NEB: variants seen among roughly 807,000 people sequenced by gnomAD.
The protein encoded by NEB is nebulin.
A neutral mutation model predicts 952.2 loss-of-function variants in NEB; 512 were observed. That is an observed-to-expected ratio of 0.54 (90% confidence interval 0.50 to 0.58). NEB has a LOEUF of 0.58. Among genes scored for constraint, NEB ranks in the 20% least tolerant of loss-of-function variants. The probability of loss-of-function intolerance (pLI) is 0.00; values close to 1 mark genes in which losing one functional copy is unlikely to be tolerated. For synonymous variants in NEB, 2,900 were observed against 3,149.8 expected, an observed-to-expected ratio of 0.92 and a Z score of 2.66; for missense variants, 8,428 against 9,231.1, an observed-to-expected ratio of 0.91 and a Z score of 3.56.
chr2:151,486,081 C>G (rs2050087865), intron 181 of NEB, 148 bp from the exon 182 acceptor site: 1 of 776,718 alleles, frequency 1.3e-6, no homozygotes, highest in African/African-American at 1.7e-5. Context: ...TAAAAGGAAC[C>G]CACAAAATAG....
chr2:151,687,963 CT>C, intron 25 of NEB, among the ~76,000 whole-genome samples: 1 of 152,320 alleles, frequency 6.6e-6, no homozygotes, highest in Admixed American at 6.5e-5. Flanking sequence ...TCTAAGCACT[CT>C]GCTGTCCTGA....
intron 168 of NEB, among the ~76,000 whole-genome samples, chr2:151,500,773 A>G (rs1470636469): frequency 2.6e-5 from 4 of 151,598 alleles, no homozygotes; most frequent in African/African-American, 4.8e-5. Flanking sequence ...AATTTTTTCT[A>G]TTTTTAGCAG....
chr2:151,512,929 T>C lies in NEB; in HGVS notation c.23242-92A>G, dbSNP rs1389605116. 5 of 812,764 alleles carry C rather than the reference T, an allele frequency of 6.2e-6. No homozygotes were observed. In the African/African-American group the frequency reaches 8.6e-5, roughly 14 times the overall value. The allele number at this position is 812,764 out of a possible 1,614,324, so 50.3% of individuals were successfully genotyped here. Reference sequence around the variant, plus strand: ...GATTAAGAGGTGAGCCATATTTCTTTTCCAAGAGGGACTCATTCATTTGAC... The same window carrying C: ...GATTAAGAGGTGAGCCATATTTCTTCTCCAAGAGGGACTCATTCATTTGAC... On this transcript the variant is annotated intron_variant, in intron 160 of 181. Transcript: ENST00000397345.
chr2:151,570,613 A>G lies in NEB; in HGVS notation c.17014-12T>C. 1 of 1,571,156 alleles carries G rather than the reference A, an allele frequency of 6.4e-7. No individual in the cohort carries two copies. Among genetic ancestry groups the G allele is most frequent in the Non-Finnish European group, 8.6e-7 (1 of 1,157,434 alleles). Reference sequence around the variant, plus strand: ...TCACGGTAAAGTTTCTGAAAAGGAGAAAAATAAGGTATCATCCTAGATTCA... The same window carrying G: ...TCACGGTAAAGTTTCTGAAAAGGAGGAAAATAAGGTATCATCCTAGATTCA... On this transcript the variant is annotated splice_polypyrimidine_tract_variant and intron_variant, in intron 107 of 181. Coordinates refer to ENST00000397345, the MANE Select transcript of NEB (RefSeq NM_001164508.2).
At chr2:151,690,990 T>A (rs901769827) in intron 23 of NEB, among the ~76,000 whole-genome samples, 165 bp from the exon 24 acceptor site, 2 of 152,112 alleles carry the variant, frequency 1.3e-5, no homozygotes, top group African/African-American at 4.8e-5. Flanking sequence ...TCTCTCTCTC[T>A]TTTTCCTTTA....
chr2:151,568,580 T>C lies in NEB; in HGVS notation c.17634+38A>G, dbSNP rs1339307766. ...ATGGAAAAGCTTTGGAAGTGATATC[T>C]GCATCACTGTGAGATTTTAAAACAG... On this transcript the variant is annotated intron_variant, in intron 111 of 181. Transcript: ENST00000397345. The C allele has an allele frequency of 2.0e-6, 3 of 1,503,258 alleles. No individual in the cohort carries two copies. The Admixed American group carries it at 5.5e-5, about 27-fold the overall frequency. 93.1% of individuals were successfully genotyped at this position (1,503,258 alleles called of 1,614,324 possible). A position where few individuals can be genotyped will look rare whatever the true frequency, so the allele number is the denominator to read the frequency against.
At chr2:151,654,813 A>G (rs2099070569) in intron 51 of NEB, among the ~76,000 whole-genome samples, 1 of 152,234 alleles carries the variant, frequency 6.6e-6, no homozygotes, top group South Asian at 2.1e-4. Context: ...GGCAAAGCCA[A>G]AACTCATACC....
At chr2:151,573,427 C>T (rs11900107) in intron 107 of NEB, among the ~76,000 whole-genome samples, 62 of 152,112 alleles carry the variant, frequency 4.1e-4, no homozygotes, top group African/African-American at 1.5e-3. Flanking sequence ...TGGGAAGAGG[C>T]GTCTATACTG....
At chr2:151,722,009 G>A (rs6752115) in intron 9 of NEB, among the ~76,000 whole-genome samples, 278 of 152,276 alleles carry the variant, frequency 1.8e-3, no homozygotes, top group African/African-American at 6.2e-3. Flanking sequence ...AGAGGGTGGC[G>A]TTAAAAATTA....
In NEB at chr2:151,493,376, G is replaced by C. The variant is rs748561855; in HGVS notation, c.24742C>G (p.Arg8248Gly). Residue 8248 changes from arginine (R) to glycine (G), a missense_variant, in exon 176 of 182, where the codon CGC becomes GGC. Arg to Gly is a moderately radical substitution (Grantham distance 125). Around this residue, in one of 11 missense-constraint regions of NEB, gnomAD observed 3,374 missense variants for 3,651.5 expected, o/e 0.92. Coordinates refer to ENST00000397345, the MANE Select transcript of NEB (RefSeq NM_001164508.2). Reference protein sequence around the residue: ...PVTPEMERAKRNQENISSVLY... With the variant: ...PVTPEMERAKGNQENISSVLY... Reference sequence around the variant, plus strand: ...ACCGAGCTAATGTTTTCTTGGTTGCGCTTAGCTCTCTCCATCTCTGGAGTA... The same window carrying C: ...ACCGAGCTAATGTTTTCTTGGTTGCCCTTAGCTCTCTCCATCTCTGGAGTA... 6.2e-7 allele frequency: 1 copy of C among 1,611,980 alleles called. No homozygotes were observed.
At chr2:151,695,478 T>C (rs1396170461) in intron 18 of NEB, 100 bp downstream of exon 18, 2 of 835,010 alleles carry the variant, frequency 2.4e-6, no homozygotes, top group Non-Finnish European at 3.9e-6. Context: ...GTTCTTCTCA[T>C]TTTTAACATT....
At chr2:151,630,968 A>T in intron 66 of NEB, 149 bp from the exon 67 acceptor site, 1 of 1,172,998 alleles carries the variant, frequency 8.5e-7, no homozygotes, top group Middle Eastern at 2.2e-4. Flanking sequence ...TCTTATTACT[A>T]GTTATCAAGA....
In NEB at chr2:151,553,459, C is replaced by A. The variant is rs1440295249; in HGVS notation, c.19670G>T (p.Cys6557Phe). The A allele has an allele frequency of 6.2e-7, 1 of 1,613,606 alleles. No homozygotes were observed. Among genetic ancestry groups the A allele is most frequent in the Admixed American group, 1.7e-5 (1 of 59,996 alleles). The change falls in exon 127 of 182, where the codon TGC becomes TTC. Residue 6557 changes from cysteine to phenylalanine, a missense_variant. By Grantham distance (205) the Cys-to-Phe change is radical. This residue lies in a region of NEB where 3,374 missense variants were observed against 3,651.5 expected (regional missense o/e 0.92). Transcript: ENST00000397345. ...DDLNWLKGIG[C>F]YVWDTPEILH... ...GATTTCAGGAGTGTCCCAGACGTAGCAACCAATGCCTTTCAGCCAGTTGAG... is the reference window on the plus strand; with the variant it reads ...GATTTCAGGAGTGTCCCAGACGTAGAAACCAATGCCTTTCAGCCAGTTGAG...
At chr2:151,715,422 C>G (rs144400536) in intron 10 of NEB, among the ~76,000 whole-genome samples, 1 of 152,316 alleles carries the variant, frequency 6.6e-6, no homozygotes, top group African/African-American at 2.4e-5. Flanking sequence ...TCCCCACCCC[C>G]CAAATTCATA....
In NEB at chr2:151,656,241, T is replaced by A. The variant is rs759026379; in HGVS notation, c.6407A>T (p.Asn2136Ile). The A allele has an allele frequency of 1.9e-6, 3 of 1,613,530 alleles. No homozygotes were observed. Among genetic ancestry groups the A allele is most frequent in the East Asian group, 2.2e-5 (1 of 44,866 alleles). ...KDAQANITNT[N>I]YKHLIHKYIL... ...GTACTTGTGAATCAGGTGCTTGTAG[T>A]TAGTGTTGGTGATGTTGGCTTGGGC... The change falls in exon 49 of 182, where the codon AAC becomes ATC. Residue 2136 changes from asparagine (N) to isoleucine (I), a missense_variant. Physicochemically the swap from Asn to Ile is moderately radical, Grantham distance 149 (BLOSUM62 -3). This residue lies in a region of NEB where 2,851 missense variants were observed against 2,791.5 expected (regional missense o/e 1.02). Coordinates refer to ENST00000397345, the MANE Select transcript of NEB (RefSeq NM_001164508.2).
At chr2:151,623,763 G>A (rs959246946) in intron 71 of NEB, among the ~76,000 whole-genome samples, 5 of 152,056 alleles carry the variant, frequency 3.3e-5, no homozygotes, top group Non-Finnish European at 7.4e-5. Flanking sequence ...TTTTGAAACT[G>A]GAAGGTCAAA....
intron 156 of NEB, 47 bp from the exon 157 acceptor site, chr2:151,516,610 T>TAGAC: frequency 8.1e-7 from 1 of 1,227,266 alleles, no homozygotes; most frequent in Non-Finnish European, 1.2e-6. Context: ...GGTCAATTCC[T>TAGAC]AGACAGCAGT....
rs1361349634 is a variant in NEB at position 151,553,879 on chromosome 2, G to A, written c.19575C>T (p.Pro6525=). The change falls in exon 126 of 182, where the codon CCC becomes CCT. Residue 6525 remains proline (P), a synonymous_variant. Transcript: ENST00000397345. ...RLRLHEWICH[P]DLQVNDHVRK... is the part of the protein sequence containing the mutation. Reference sequence around the variant, plus strand: ...TGACGTGATCATTGACTTGCAAGTCGGGGTGGCAAATCCATTCGTGGAGGC... The same window carrying A: ...TGACGTGATCATTGACTTGCAAGTCAGGGTGGCAAATCCATTCGTGGAGGC... 31 of 1,613,654 alleles carry A rather than the reference G, an allele frequency of 1.9e-5. No homozygotes were observed. The highest frequency in any genetic ancestry group is 2.3e-5 in the Non-Finnish European group (27 of 1,179,750).
rs1320817315 is a variant in NEB, at chr2:151,671,264, T to C, written c.4300-35A>G. On this transcript the variant is annotated intron_variant, in intron 37 of 181. Transcript: ENST00000397345. ...GGTAAGCTAATATGAGAAGATACCC[T>C]GGAGAATATTCAAGGGATGTTTCTG... 4 of 1,536,180 alleles carry C rather than the reference T, an allele frequency of 2.6e-6. No homozygotes were observed. The South Asian group carries it at 4.6e-5, about 18-fold the overall frequency.
Sources: gnomAD v4.1 joint callset for allele counts (sites outside exome capture counted in the v4.1 genomes callset) on GRCh38, gnomAD v4.1.1 for gene constraint, gnomAD v4.1.1 regional missense constraint, MANE v1.5 for transcripts, NCBI Gene and HGNC (gene_info 2026-07-23, HGNC 2026-07-21) for gene names.